The following MCTP1 variants were observed in gnomAD, a reference collection of about 807,000 sequenced individuals.
The protein encoded by MCTP1 is multiple C2 and transmembrane domain containing 1, also known as multiple C2 and transmembrane domain-containing protein 1.
A neutral mutation model predicts 120.6 loss-of-function variants in MCTP1; 69 were observed. The ratio of observed to expected loss-of-function variants is 0.57; its 90% CI spans 0.47 to 0.70. The LOEUF (loss-of-function observed/expected upper bound fraction) is 0.70, where lower values mean the gene tolerates loss of function less well. MCTP1 is among the 30% of genes least tolerant of loss of function. MCTP1 has a pLI of 0.00. For synonymous variants in MCTP1, 529 were observed against 493.1 expected (o/e 1.07, Z -0.96); for missense variants, 1,203 against 1,248.8 (o/e 0.96, Z 0.55).
At chr5:94,964,464 A>G (rs1278886989) in intron 2 of MCTP1, among the ~76,000 whole-genome samples, 1 of 152,280 alleles carries the variant, frequency 6.6e-6, no homozygotes, top group East Asian at 1.9e-4. Flanking sequence ...GTCCCCTACT[A>G]TTATTGTATT....
intron 1 of MCTP1, among the ~76,000 whole-genome samples, chr5:95,088,480 C>T (rs1755601268): frequency 6.6e-6 from 1 of 152,224 alleles, no homozygotes. Flanking sequence ...CATAGACCAT[C>T]CCACTTAATC....
chr5:95,131,314 A>C (rs2152423910), intron 1 of MCTP1, among the ~76,000 whole-genome samples: 1 of 152,292 alleles, frequency 6.6e-6, no homozygotes, highest in South Asian at 2.1e-4. Flanking sequence ...CACATTTGTT[A>C]ATTGTGTTTC....
intron 1 of MCTP1, among the ~76,000 whole-genome samples, chr5:95,168,226 G>A (rs1346667791): frequency 6.6e-6 from 1 of 152,178 alleles, no homozygotes; most frequent in Non-Finnish European, 1.5e-5. Flanking sequence ...TAGTATTTCT[G>A]AGGGCTCTGT....
chr5:94,788,060 TC>T (rs1778132569), intron 18 of MCTP1, among the ~76,000 whole-genome samples: 1 of 152,242 alleles, frequency 6.6e-6, no homozygotes, highest in Admixed American at 6.5e-5. Flanking sequence ...GTAACTCTTA[TC>T]TTAAAGGTGT....
At chr5:94,936,521 T>C (rs1655108593) in intron 5 of MCTP1, among the ~76,000 whole-genome samples, 1 of 152,036 alleles carries the variant, frequency 6.6e-6, no homozygotes, top group Admixed American at 6.6e-5. Context: ...TTCAATTTAA[T>C]TAGAGAAATA....
intron 19 of MCTP1, among the ~76,000 whole-genome samples, chr5:94,759,905 A>G (rs1487512328): frequency 4.2e-5 from 2 of 48,014 alleles, no homozygotes; most frequent in Admixed American, 2.2e-4. Context: ...TTCAAAGAGA[A>G]AAAAAAAAAA....
rs565628171 is a variant in MCTP1, at chr5:95,123,960, A to AT, written c.721-106477dup. Among the ~76,000 whole-genome samples, 6 of 152,188 alleles carry AT rather than the reference A, an allele frequency of 3.9e-5. No homozygotes were observed. The East Asian group carries it at 7.7e-4, about 20-fold the overall frequency. Reference sequence around the variant, plus strand: ...CACTACGCCTGGCCAACAAGCTCTGATTTTTTAAAATAAGCCCATGTATCA... The same window carrying AT: ...CACTACGCCTGGCCAACAAGCTCTGATTTTTTTAAAATAAGCCCATGTATCA... On this transcript the variant is annotated intron_variant, in intron 1 of 22. Coordinates refer to ENST00000515393, the MANE Select transcript of MCTP1 (RefSeq NM_024717.7).
intron 1 of MCTP1, among the ~76,000 whole-genome samples, chr5:95,091,910 T>C (rs1419623739): frequency 6.6e-6 from 1 of 152,276 alleles, no homozygotes; most frequent in Admixed American, 6.5e-5. Flanking sequence ...AGGCAGTAAG[T>C]GGAGGCTGAA....
intron 19 of MCTP1, among the ~76,000 whole-genome samples, chr5:94,753,388 G>T (rs1022919331): frequency 8.5e-5 from 13 of 152,106 alleles, no homozygotes; most frequent in African/African-American, 3.1e-4. Flanking sequence ...CCGCCTCTGG[G>T]GAATACTGCA....
At chr5:95,036,273 G>C (rs1417550742) in intron 1 of MCTP1, among the ~76,000 whole-genome samples, 1 of 152,094 alleles carries the variant, frequency 6.6e-6, no homozygotes, top group Non-Finnish European at 1.5e-5. Flanking sequence ...AACATATATG[G>C]GAAAACATTT....
intron 17 of MCTP1, among the ~76,000 whole-genome samples, chr5:94,810,971 T>C (rs71641027): frequency 1.3e-3 from 201 of 152,314 alleles, no homozygotes; most frequent in Middle Eastern, 3.4e-3. Context: ...AATAATATCA[T>C]ACATTTCAGC....
intron 6 of MCTP1, chr5:94,929,653 T>G: frequency 1.0e-6 from 1 of 984,934 alleles, no homozygotes; most frequent in South Asian, 4.7e-5. Context: ...GAAGCACAAT[T>G]TACCGGAGGA....
intron 19 of MCTP1, among the ~76,000 whole-genome samples, chr5:94,751,379 G>A (rs1251990452): frequency 1.3e-5 from 2 of 151,420 alleles, no homozygotes; most frequent in African/African-American, 4.9e-5. Flanking sequence ...ATATGAGATA[G>A]TGTATGAGAG....
intron 11 of MCTP1, among the ~76,000 whole-genome samples, chr5:94,889,345 T>C (rs999302849): frequency 2.0e-5 from 3 of 152,076 alleles, no homozygotes; most frequent in African/African-American, 4.8e-5. Context: ...TCCCAGCACT[T>C]TGGGAAGCTG....
chr5:95,037,820 A>G (rs1294706968), intron 1 of MCTP1, among the ~76,000 whole-genome samples: 1 of 152,136 alleles, frequency 6.6e-6, no homozygotes, highest in African/African-American at 2.4e-5. Context: ...CAGTGAGCAG[A>G]GTTCACGCCA....
chr5:95,069,916 G>T (rs185720582), intron 1 of MCTP1, among the ~76,000 whole-genome samples: 1 of 151,838 alleles, frequency 6.6e-6, no homozygotes. Flanking sequence ...TGTTAGCCAG[G>T]ATGGTCTTGA....
chr5:94,952,433 G>A (rs1820860570), intron 3 of MCTP1, among the ~76,000 whole-genome samples: 1 of 152,156 alleles, frequency 6.6e-6, no homozygotes, highest in Admixed American at 6.5e-5. Flanking sequence ...GATGATATGA[G>A]GGGAAGAAGT....
chr5:94,966,892 C>T (rs1825749794), intron 2 of MCTP1, among the ~76,000 whole-genome samples: 2 of 151,914 alleles, frequency 1.3e-5, no homozygotes, highest in African/African-American at 4.8e-5. Context: ...TGCACATGAT[C>T]ACAAAGCCTT....
At chr5:95,270,775 T>C (rs932709624) in intron 1 of MCTP1, among the ~76,000 whole-genome samples, 1 of 151,914 alleles carries the variant, frequency 6.6e-6, no homozygotes, top group Admixed American at 6.6e-5. Context: ...ACTAAAAATA[T>C]AAAAAGTAGC....
Sources: allele counts gnomAD v4.1 joint callset (sites outside exome capture counted in the v4.1 genomes callset), GRCh38; gene constraint gnomAD v4.1.1; transcripts MANE v1.5; gene names NCBI Gene and HGNC (gene_info 2026-07-23, HGNC 2026-07-21).